The following NFIB variants were observed in gnomAD, a reference collection of about 807,000 sequenced individuals.
The protein encoded by NFIB is nuclear factor I B.
In NFIB, 11 loss-of-function variants were observed where a neutral mutation model predicts 61.5. The observed-to-expected ratio is 0.18, with a 90% CI of 0.11 to 0.30. The LOEUF (loss-of-function observed/expected upper bound fraction) is 0.30. Ranked by LOEUF, NFIB falls within the 10% of genes least tolerant of loss-of-function variation. The pLI is 1.00. For missense variants in NFIB, 471 were observed against 608.9 expected, an observed-to-expected ratio of 0.77 and a Z score of 2.38; for synonymous variants, 260 against 216.5, an observed-to-expected ratio of 1.20 and a Z score of -1.76.
intron 10 of NFIB, among the ~76,000 whole-genome samples, chr9:14,105,207 G>C (rs2036381175): frequency 6.6e-6 from 1 of 152,052 alleles, no homozygotes; most frequent in African/African-American, 2.4e-5. Context: ...TCCCAAAGTG[G>C]ATAAACCTGA....
chr9:14,489,073 T>A, the NFIB span, among the ~76,000 whole-genome samples: 1 of 151,912 alleles, frequency 6.6e-6, no homozygotes, highest in Non-Finnish European at 1.5e-5. Context: ...AAATGTTCCA[T>A]AAAGTTCATC....
At chr9:14,427,969 G>A in the NFIB span, among the ~76,000 whole-genome samples, 9 of 4,682 alleles carry the variant, frequency 1.9e-3, no homozygotes, top group Non-Finnish European at 5.9e-4. Context: ...TTTTTTGGCA[G>A]GATCTCACTC....
the NFIB span, among the ~76,000 whole-genome samples, chr9:14,489,195 T>C: frequency 6.6e-6 from 1 of 152,238 alleles, no homozygotes; most frequent in African/African-American, 2.4e-5. Context: ...CTTGCAAATT[T>C]ACTGAAAAGG....
At chr9:14,510,333 G>A in the NFIB span, among the ~76,000 whole-genome samples, 4 of 152,126 alleles carry the variant, frequency 2.6e-5, no homozygotes, top group African/African-American at 9.7e-5. Flanking sequence ...CAAAAATAAG[G>A]GGAAACAGAA....
chr9:14,214,970 A>C (rs1340097016), intron 2 of NFIB, among the ~76,000 whole-genome samples: 3 of 152,244 alleles, frequency 2.0e-5, no homozygotes, highest in Admixed American at 6.5e-5. Context: ...GGAAACAAGA[A>C]ATTTAGGCTT....
the NFIB span, among the ~76,000 whole-genome samples, chr9:14,446,196 G>A: frequency 6.9e-4 from 105 of 152,104 alleles, no homozygotes; most frequent in Middle Eastern, 3.2e-3. Context: ...TATGTTTTCA[G>A]TTTCACAATA....
chr9:14,140,359 G>A (rs975230866), intron 6 of NFIB, among the ~76,000 whole-genome samples: 1 of 152,118 alleles, frequency 6.6e-6, no homozygotes, highest in Non-Finnish European at 1.5e-5. Flanking sequence ...TCAGACTGTG[G>A]TTTGGACTAG....
At chr9:14,510,891 T>C in the NFIB span, among the ~76,000 whole-genome samples, 1 of 152,218 alleles carries the variant, frequency 6.6e-6, no homozygotes, top group Non-Finnish European at 1.5e-5. Context: ...ACCTTTTCTT[T>C]TTGCTTACTG....
At chr9:14,382,757 G>A (rs911091951) in intron 1 of NFIB, among the ~76,000 whole-genome samples, 1 of 151,990 alleles carries the variant, frequency 6.6e-6, no homozygotes, top group Non-Finnish European at 1.5e-5. Context: ...ATTCACCCAA[G>A]GGACTATTAC....
intron 1 of NFIB, among the ~76,000 whole-genome samples, chr9:14,358,934 A>G (rs1411394652): frequency 6.6e-6 from 1 of 152,234 alleles, no homozygotes; most frequent in Non-Finnish European, 1.5e-5. Context: ...TAATCATTTG[A>G]CTGCATTTTA....
intron 1 of NFIB, among the ~76,000 whole-genome samples, chr9:14,395,917 G>C (rs1215412704): frequency 6.6e-6 from 1 of 151,402 alleles, no homozygotes; most frequent in East Asian, 1.9e-4. Flanking sequence ...TGGGGATCGG[G>C]CCTTTGAAGC....
chr9:14,158,423 G>A (rs1045814562), intron 3 of NFIB, among the ~76,000 whole-genome samples: 1 of 152,138 alleles, frequency 6.6e-6, no homozygotes, highest in African/African-American at 2.4e-5. Context: ...CACCTAGTTT[G>A]TACTAATTTT....
chr9:14,344,330 C>T (rs905248432), intron 1 of NFIB, among the ~76,000 whole-genome samples: 2 of 151,072 alleles, frequency 1.3e-5, no homozygotes, highest in East Asian at 2.0e-4. Context: ...CAGCCAAATG[C>T]GGGAGACTTG....
At chr9:14,420,726 G>A in the NFIB span, among the ~76,000 whole-genome samples, 1 of 152,116 alleles carries the variant, frequency 6.6e-6, no homozygotes, top group Non-Finnish European at 1.5e-5. Context: ...GAGAAATCAA[G>A]ATTTGGCCAC....
the NFIB span, among the ~76,000 whole-genome samples, chr9:14,468,625 C>G: frequency 1.8e-3 from 281 of 152,246 alleles, no homozygotes; most frequent in African/African-American, 6.3e-3. Context: ...GTCTGGAACA[C>G]GAGATGATAT....
chr9:14,148,251 T>C (rs984961997), intron 5 of NFIB, among the ~76,000 whole-genome samples: 11 of 151,710 alleles, frequency 7.3e-5, no homozygotes, highest in African/African-American at 1.9e-4. Context: ...GCCGCCCAAA[T>C]AGTTAGGATC....
chr9:14,323,006 A>G (rs1310007611), intron 1 of NFIB, among the ~76,000 whole-genome samples: 2 of 152,200 alleles, frequency 1.3e-5, no homozygotes, highest in African/African-American at 4.8e-5. Context: ...TAAAACAACA[A>G]TAATGATAAA....
intron 1 of NFIB, among the ~76,000 whole-genome samples, chr9:14,349,814 C>T (rs1396949355): frequency 6.6e-6 from 1 of 152,140 alleles, no homozygotes; most frequent in Non-Finnish European, 1.5e-5. Flanking sequence ...GTTGAGACTT[C>T]GAGCTAAAAG....
intron 5 of NFIB, among the ~76,000 whole-genome samples, chr9:14,147,032 G>A (rs1431124445): frequency 6.6e-6 from 1 of 151,872 alleles, no homozygotes; most frequent in African/African-American, 2.4e-5. Flanking sequence ...TAACAAATAT[G>A]GTGTTCATTA....
Sources: gnomAD v4.1 joint callset for allele counts (sites outside exome capture counted in the v4.1 genomes callset) on GRCh38, gnomAD v4.1.1 for gene constraint, MANE v1.5 for transcripts, NCBI Gene and HGNC (gene_info 2026-07-23, HGNC 2026-07-21) for gene names.